Variants in TCF7L2 observed in about 807,000 individuals in gnomAD.
The protein encoded by TCF7L2 is transcription factor 7-like 2.
Under a neutral mutation model 77.9 loss-of-function variants are expected in TCF7L2, and 23 were observed. The observed-to-expected ratio is 0.30, with a 90% CI of 0.21 to 0.42. The LOEUF (loss-of-function observed/expected upper bound fraction) is 0.42, where lower values mean the gene tolerates loss of function less well. Among genes scored for constraint, TCF7L2 ranks in the 10% least tolerant of loss-of-function variants. TCF7L2 has a pLI of 1.00. For synonymous variants in TCF7L2, 413 were observed against 340.2 expected (o/e 1.21, Z -2.36); for missense variants, 654 against 793.1 (o/e 0.82, Z 2.11).
At chr10:113,118,560 C>G (rs904253341) in intron 5 of TCF7L2, among the ~76,000 whole-genome samples, 1 of 84,610 alleles carries the variant, frequency 1.2e-5, no homozygotes, top group Admixed American at 1.6e-4. Flanking sequence ...TGTGTTTGTT[C>G]ACCTACACAT....
At chr10:113,113,049 A>G (rs925930369) in intron 5 of TCF7L2, among the ~76,000 whole-genome samples, 1 of 152,140 alleles carries the variant, frequency 6.6e-6, no homozygotes, top group South Asian at 2.1e-4. Flanking sequence ...TGAAAAGCAA[A>G]TTCCCTTATT....
intron 5 of TCF7L2, chr10:113,129,169 TC>T (rs1239801166): frequency 3.4e-6 from 1 of 296,932 alleles, no homozygotes; most frequent in African/African-American, 2.3e-5. Context: ...AAGTGTCACT[TC>T]CGTGTCACTG....
At position 113,041,905 on chromosome 10, in the gene TCF7L2, A is replaced by G. The variant is rs149448060; in HGVS notation, c.552+1779A>G. On this transcript the variant is annotated intron_variant, in intron 5 of 13. Transcript: ENST00000627217. ...TTTTTAGCTACAGAGAAAGGACATT[A>G]TCTTTAAAATCTCTTCGTTGTTCTC... Among the ~76,000 whole-genome samples, 299 of 152,254 alleles carry G rather than the reference A, an allele frequency of 2.0e-3. 3 individuals are homozygous for G. Among genetic ancestry groups the G allele is most frequent in the African/African-American group, 6.3e-3 (260 of 41,568 alleles).
chr10:113,112,362 G>A (rs754185604), intron 5 of TCF7L2, among the ~76,000 whole-genome samples: 2 of 152,176 alleles, frequency 1.3e-5, no homozygotes, highest in South Asian at 4.1e-4. Context: ...GCACACATGC[G>A]TGCACACGCA....
At chr10:113,045,926 C>T (rs537605946) in intron 5 of TCF7L2, among the ~76,000 whole-genome samples, 36 of 152,206 alleles carry the variant, frequency 2.4e-4, no homozygotes, top group Middle Eastern at 6.8e-3. Flanking sequence ...AGCAAGCCTT[C>T]GGGCACTACC....
intron 4 of TCF7L2, among the ~76,000 whole-genome samples, chr10:113,018,071 A>T (rs768962302): frequency 6.6e-6 from 1 of 152,196 alleles, no homozygotes; most frequent in Non-Finnish European, 1.5e-5. Context: ...AACTATGGTC[A>T]CTAAGAGACA....
At chr10:113,014,405 T>A (rs1297170744) in intron 4 of TCF7L2, among the ~76,000 whole-genome samples, 3 of 152,218 alleles carry the variant, frequency 2.0e-5, no homozygotes, top group Admixed American at 1.3e-4. Flanking sequence ...AGGATGCTTC[T>A]AGAATGGAAA....
chr10:113,157,819 AG>A (rs2072279321), intron 11 of TCF7L2: 1 of 542,232 alleles, frequency 1.8e-6, no homozygotes, highest in Non-Finnish European at 3.3e-6. Context: ...GCTCCCAAGA[AG>A]CGTGTGTCCC....
At chr10:112,960,444 G>C (rs1406289281) in intron 3 of TCF7L2, among the ~76,000 whole-genome samples, 1 of 152,178 alleles carries the variant, frequency 6.6e-6, no homozygotes, top group African/African-American at 2.4e-5. Flanking sequence ...AGTAGAATGG[G>C]GGATGGGCTT....
rs368656449 is a variant in TCF7L2, at chr10:113,100,218, G to A, written c.553-40966G>A. On this transcript the variant is annotated intron_variant, in intron 5 of 13. Coordinates refer to ENST00000627217, the MANE Select transcript of TCF7L2 (RefSeq NM_001146274.2). ...TATAAACAAAGCATCCCGAGAGCAC[G>A]GGTACCTAGCAGAAGAAGAACGAAG... is the stretch of plus-strand genomic sequence containing the variant. Among the ~76,000 whole-genome samples the A allele has an allele frequency of 3.9e-4, 60 of 152,312 alleles. No individual in the cohort carries two copies. In the South Asian group the frequency reaches 0.012, roughly 30 times the overall value.
chr10:113,166,522 A>G lies in TCF7L2; in HGVS notation c.*550A>G. The G allele has an allele frequency of 4.4e-6, 1 of 224,794 alleles. No individual in the cohort carries two copies. The highest frequency in any genetic ancestry group is 5.7e-5 in the Admixed American group (1 of 17,500). The allele number at this position is 224,794 out of a possible 1,614,324, so 13.9% of individuals were successfully genotyped here. A position where few individuals can be genotyped will look rare whatever the true frequency, so the allele number is the denominator to read the frequency against. On this transcript the variant is annotated 3_prime_UTR_variant, in exon 14 of 14. Transcript: ENST00000627217. The stretch of plus-strand genomic sequence containing the variant: ...CTTGTTATTGTTTAAATGTACAGAA[A>G]CAAAGGGTAAAAATGTGTTAATATA...
chr10:113,145,357 A>C (rs914490647), intron 7 of TCF7L2, among the ~76,000 whole-genome samples: 3 of 152,150 alleles, frequency 2.0e-5, no homozygotes, highest in Non-Finnish European at 4.4e-5. Context: ...GGAATAGCCA[A>C]CTCAGACAAC....
intron 3 of TCF7L2, among the ~76,000 whole-genome samples, chr10:112,953,228 G>A (rs919134340): frequency 6.6e-6 from 1 of 151,952 alleles, no homozygotes; most frequent in Non-Finnish European, 1.5e-5. Flanking sequence ...TTTTTTTATG[G>A]CTAGGGAAGA....
intron 4 of TCF7L2, among the ~76,000 whole-genome samples, chr10:113,014,276 G>A (rs911876455): frequency 6.6e-6 from 1 of 152,154 alleles, no homozygotes; most frequent in Non-Finnish European, 1.5e-5. Context: ...CCCCTACCCT[G>A]GGGCATAGCA....
At chr10:112,999,003 C>G (rs945986883) in intron 4 of TCF7L2, among the ~76,000 whole-genome samples, 1 of 152,206 alleles carries the variant, frequency 6.6e-6, no homozygotes, top group Non-Finnish European at 1.5e-5. Context: ...GAATACCAGA[C>G]TTTCCTATTA....
intron 5 of TCF7L2, chr10:113,133,083 T>C (rs2066858643): frequency 6.6e-6 from 1 of 152,142 alleles, no homozygotes; most frequent in Admixed American, 6.5e-5. Flanking sequence ...TTCTTTTTAA[T>C]TGCAAAATAA....
intron 4 of TCF7L2, among the ~76,000 whole-genome samples, chr10:112,969,883 C>A (rs2037849314): frequency 6.6e-6 from 1 of 152,212 alleles, no homozygotes; most frequent in South Asian, 2.1e-4. Flanking sequence ...TTAGGCATCT[C>A]TATTGCCTTC....
At chr10:113,051,246 C>T (rs1313297399) in intron 5 of TCF7L2, among the ~76,000 whole-genome samples, 2 of 145,970 alleles carry the variant, frequency 1.4e-5, no homozygotes, top group Admixed American at 6.8e-5. Context: ...CACACACAGA[C>T]ACATACATAT....
At position 112,960,691 on chromosome 10, in the gene TCF7L2, G is replaced by GTT. The variant is rs11440022; in HGVS notation, c.382-3853_382-3852dup. On this transcript the variant is annotated intron_variant, in intron 3 of 13. Coordinates refer to ENST00000627217, the MANE Select transcript of TCF7L2 (RefSeq NM_001146274.2). ...CAAGAGATGAGGCAGATGGGAACCT[G>GTT]TTTTTTTTTTTTTGAGATGGAGTTT... 1.2e-3 allele frequency among the ~76,000 whole-genome samples: 167 copies of GTT among 144,724 alleles called. 1 individual carries two copies. Among genetic ancestry groups the GTT allele is most frequent in the South Asian group, 2.9e-3 (13 of 4,536 alleles). The allele number at this position is 144,724 out of a possible 152,430, so 94.9% of individuals were successfully genotyped here.
Sources: allele counts gnomAD v4.1 joint callset (sites outside exome capture counted in the v4.1 genomes callset), GRCh38; gene constraint gnomAD v4.1.1; transcripts MANE v1.5; gene names NCBI Gene and HGNC (gene_info 2026-07-23, HGNC 2026-07-21).